Variants in RPS6KA2 observed in about 807,000 individuals in gnomAD.
The protein encoded by RPS6KA2 is ribosomal protein S6 kinase alpha-2.
A neutral mutation model predicts 91.8 loss-of-function variants in RPS6KA2; 42 were observed. That is an observed-to-expected ratio of 0.46 (90% CI 0.36 to 0.59). The LOEUF (loss-of-function observed/expected upper bound fraction) is 0.59, where lower values mean the gene tolerates loss of function less well. RPS6KA2 is among the 20% of genes least tolerant of loss of function. The probability of loss-of-function intolerance (pLI) is 0.00; values close to 1 mark genes in which losing one functional copy is unlikely to be tolerated. For synonymous variants in RPS6KA2, 414 were observed against 393.6 expected (o/e 1.05, Z -0.61); for missense variants, 798 against 978.5 (o/e 0.82, Z 2.46).
intron 2 of RPS6KA2, among the ~76,000 whole-genome samples, chr6:166,537,722 T>G (rs1488350041): frequency 2.0e-5 from 3 of 152,214 alleles, no homozygotes; most frequent in Non-Finnish European, 4.4e-5. Flanking sequence ...ATGCAAAGAT[T>G]TGGTAAATGT....
intron 1 of RPS6KA2, among the ~76,000 whole-genome samples, chr6:166,571,592 T>C (rs1784689222): frequency 6.6e-6 from 1 of 151,760 alleles, no homozygotes; most frequent in Non-Finnish European, 1.5e-5. Context: ...CACAGTTACA[T>C]GGGGGGAAAT....
At chr6:166,518,302 C>T (rs1326698777) in intron 3 of RPS6KA2, among the ~76,000 whole-genome samples, 2 of 143,462 alleles carry the variant, frequency 1.4e-5, no homozygotes, top group Non-Finnish European at 3.0e-5. Context: ...AAGTTGAACA[C>T]TTATCTGGTG....
chr6:166,599,113 A>C (rs3799589), intron 1 of RPS6KA2, among the ~76,000 whole-genome samples: 16,516 of 152,298 alleles, frequency 0.11, 1,046 homozygotes, highest in East Asian at 0.33. Context: ...TATGTAAACA[A>C]CCACTCTTGA....
chr6:166,424,333 T>A (rs1036217569), intron 16 of RPS6KA2, among the ~76,000 whole-genome samples: 14 of 152,198 alleles, frequency 9.2e-5, no homozygotes, highest in African/African-American at 3.4e-4. Flanking sequence ...AAGTAAGTGC[T>A]TAATGCTCAA....
intron 10 of RPS6KA2, among the ~76,000 whole-genome samples, chr6:166,476,300 C>A (rs539278574): frequency 1.3e-4 from 20 of 152,280 alleles, no homozygotes; most frequent in Admixed American, 5.2e-4. Flanking sequence ...GGACCTCTGG[C>A]CTCCAGAGCT....
At chr6:166,641,006 A>G (rs949611255) in intron 2 of RPS6KA2, among the ~76,000 whole-genome samples, 2 of 152,226 alleles carry the variant, frequency 1.3e-5, no homozygotes, top group South Asian at 2.1e-4. Context: ...CCTCACTGCT[A>G]GTATGGCCTG....
At chr6:166,453,209 A>AT (rs1234980628) in intron 12 of RPS6KA2, among the ~76,000 whole-genome samples, 1 of 144,542 alleles carries the variant, frequency 6.9e-6, no homozygotes, top group African/African-American at 2.5e-5. Context: ...ACACACACAC[A>AT]CACACACACA....
intron 2 of RPS6KA2, among the ~76,000 whole-genome samples, chr6:166,810,360 G>C (rs1246369657): frequency 2.6e-5 from 4 of 152,234 alleles, no homozygotes; most frequent in Non-Finnish European, 4.4e-5. Context: ...CAACAGACTC[G>C]GGAGTGCAAA....
Position 166,612,726 on chromosome 6 carries a change from C to A in RPS6KA2, c.99+14195G>T, listed in dbSNP as rs1305137760. 6.6e-6 allele frequency among the ~76,000 whole-genome samples: 1 copy of A among 152,184 alleles called. No homozygotes were observed. The highest frequency in any genetic ancestry group is 1.5e-5 in the Non-Finnish European group (1 of 68,028). On this transcript the variant is annotated intron_variant, in intron 1 of 20. Transcript: ENST00000265678. The surrounding 1 kb of genome is among the most constrained non-coding windows in gnomAD (Gnocchi z 4.3). The stretch of plus-strand genomic sequence containing the variant: ...GCTGAGTGAAGGTAACAGGACTGTG[C>A]AGTTGGGAAGCTCATCTCCTCTTAC...
At chr6:166,781,225 T>C (rs1284858559) in intron 2 of RPS6KA2, among the ~76,000 whole-genome samples, 1 of 152,242 alleles carries the variant, frequency 6.6e-6, no homozygotes, top group Non-Finnish European at 1.5e-5. Flanking sequence ...AGGTAGGTCA[T>C]TATCAACTAT....
intron 2 of RPS6KA2, among the ~76,000 whole-genome samples, chr6:166,722,907 G>A (rs1051320642): frequency 1.3e-5 from 2 of 152,076 alleles, no homozygotes; most frequent in Non-Finnish European, 2.9e-5. Flanking sequence ...CTCCCTCTCC[G>A]AGTCCACAGG....
chr6:166,556,665 C>A (rs1326007265), intron 1 of RPS6KA2, among the ~76,000 whole-genome samples: 2 of 152,150 alleles, frequency 1.3e-5, no homozygotes, highest in Non-Finnish European at 2.9e-5. Context: ...ATAATACAAA[C>A]CTTCCTTTCC....
At chr6:166,645,972 C>T (rs1444916647) in intron 2 of RPS6KA2, among the ~76,000 whole-genome samples, 1 of 152,194 alleles carries the variant, frequency 6.6e-6, no homozygotes, top group African/African-American at 2.4e-5. Flanking sequence ...CTGGAGTCTG[C>T]AAGTGCTCGT....
At chr6:166,518,764 T>C (rs1389843750) in intron 3 of RPS6KA2, among the ~76,000 whole-genome samples, 2 of 152,236 alleles carry the variant, frequency 1.3e-5, no homozygotes, top group Admixed American at 6.5e-5. Flanking sequence ...AGTTTCCATA[T>C]ATGAATGCAA....
At chr6:166,471,875 T>C (rs937770524) in intron 10 of RPS6KA2, among the ~76,000 whole-genome samples, 1 of 152,230 alleles carries the variant, frequency 6.6e-6, no homozygotes, top group African/African-American at 2.4e-5. Context: ...TGTTCTCCTC[T>C]AAACCCTGAG....
intron 3 of RPS6KA2, among the ~76,000 whole-genome samples, chr6:166,514,447 G>C (rs942461727): frequency 6.6e-6 from 1 of 152,268 alleles, no homozygotes; most frequent in African/African-American, 2.4e-5. Flanking sequence ...GCCTTACAGG[G>C]GACCCGGGAG....
At chr6:166,485,364 A>G (rs1781369337) in intron 10 of RPS6KA2, among the ~76,000 whole-genome samples, 1 of 152,014 alleles carries the variant, frequency 6.6e-6, no homozygotes, top group Non-Finnish European at 1.5e-5. Context: ...AGCATTGCAA[A>G]CTCGATTCTA....
chr6:166,576,014 TG>T (rs112050568), intron 1 of RPS6KA2, among the ~76,000 whole-genome samples: 47 of 152,254 alleles, frequency 3.1e-4, no homozygotes, highest in Middle Eastern at 3.4e-3. Flanking sequence ...ATCATAGAGG[TG>T]GTTTCCCCCT....
In RPS6KA2 at chr6:166,418,374, C is replaced by G. The variant is rs1011543066; in HGVS notation, c.1821-32G>C. On this transcript the variant is annotated intron_variant, in intron 18 of 20. Coordinates refer to ENST00000265678, the MANE Select transcript of RPS6KA2 (RefSeq NM_021135.6). This position sits in a 1 kb window ranked among gnomAD's most constrained non-coding sequence, Gnocchi z 4.9. ...AATTAGACAAATTTGTGGTAATGAG[C>G]TTGTATTTTACAACCTAAAATAAAG... is the stretch of plus-strand genomic sequence containing the variant. 6 of 1,515,632 alleles carry G rather than the reference C, an allele frequency of 4.0e-6. No homozygotes were observed. The highest frequency in any genetic ancestry group is 1.7e-4 in the Middle Eastern group (1 of 5,884). The allele number at this position is 1,515,632 out of a possible 1,614,324, so 93.9% of individuals were successfully genotyped here. A position where few individuals can be genotyped will look rare whatever the true frequency, so the allele number is the denominator to read the frequency against.
Sources: allele counts gnomAD v4.1 joint callset (sites outside exome capture counted in the v4.1 genomes callset), GRCh38; gene constraint gnomAD v4.1.1; non-coding constraint Gnocchi (gnomAD v3.1); transcripts MANE v1.5; gene names NCBI Gene and HGNC (gene_info 2026-07-23, HGNC 2026-07-21).